GRIP1: variants seen among roughly 807,000 people sequenced by gnomAD.
GRIP1 encodes glutamate receptor-interacting protein 1.
In GRIP1, 45 loss-of-function variants were observed where a neutral mutation model predicts 129.9. That is an observed-to-expected ratio of 0.35 (90% CI 0.27 to 0.44). GRIP1 has a LOEUF of 0.44. Ranked by LOEUF, GRIP1 falls within the 20% of genes least tolerant of loss-of-function variation. The pLI is 1.00. For missense variants in GRIP1, 1,196 were observed against 1,396.8 expected (o/e 0.86, Z 2.29); for synonymous variants, 530 against 520.8 (o/e 1.02, Z -0.24).
At chr12:66,632,504 G>T (rs2030910922) in intron 1 of GRIP1, among the ~76,000 whole-genome samples, 1 of 152,060 alleles carries the variant, frequency 6.6e-6, no homozygotes, top group Admixed American at 6.6e-5. Flanking sequence ...TTTTTCCCAT[G>T]CTTCCTTCCC....
At chr12:66,990,070 A>T (rs1310323921) in intron 1 of GRIP1, among the ~76,000 whole-genome samples, 1 of 152,248 alleles carries the variant, frequency 6.6e-6, no homozygotes, top group Non-Finnish European at 1.5e-5. Context: ...GATATAATTC[A>T]TTAAAAGGGA....
At position 66,728,347 on chromosome 12, in the gene GRIP1, C is replaced by T. The variant is rs149228673; in HGVS notation, c.-420+75706G>A. Among the ~76,000 whole-genome samples the T allele has an allele frequency of 3.3e-3, 510 of 152,242 alleles. 6 individuals carry two copies. Among genetic ancestry groups the T allele is most frequent in the South Asian group, 0.022 (107 of 4,824 alleles). On this transcript the variant is annotated intron_variant, in intron 1 of 4. Coordinates refer to the GRIP1 transcript ENST00000538373. ...GGCAATAAATGCAGGGCTGCAACGGCTCATCACAATGCCACAGGCCCAGGA... is the reference window on the plus strand; with the variant it reads ...GGCAATAAATGCAGGGCTGCAACGGTTCATCACAATGCCACAGGCCCAGGA...
chr12:66,829,056 C>T (rs946128650), intron 1 of GRIP1, among the ~76,000 whole-genome samples: 9 of 152,058 alleles, frequency 5.9e-5, no homozygotes, highest in East Asian at 1.9e-4. Context: ...CCCCAGAACC[C>T]GTAAATATTA....
rs556247209 is a variant in GRIP1, at chr12:66,366,327, GTAT to G, written c.3012+5364_3012+5366del. ...CAGAGAGATATTGCAAAAGAAGCTG[GTAT>G]TATACACATTGAAAATGACACTCCT... On this transcript the variant is annotated intron_variant, in intron 23 of 24. Transcript: ENST00000359742. Among the ~76,000 whole-genome samples the G allele has an allele frequency of 4.6e-5, 7 of 152,264 alleles. No individual in the cohort carries two copies. In the South Asian group the frequency reaches 1.5e-3, roughly 32 times the overall value.
intron 1 of GRIP1, among the ~76,000 whole-genome samples, chr12:66,668,662 C>T (rs1051573851): frequency 2.6e-5 from 4 of 152,184 alleles, no homozygotes; most frequent in African/African-American, 9.7e-5. Flanking sequence ...TAGCTCACAC[C>T]TGTAATCTCA....
intron 1 of GRIP1, among the ~76,000 whole-genome samples, chr12:66,780,237 G>A (rs1181421433): frequency 6.6e-6 from 1 of 152,188 alleles, no homozygotes; most frequent in Non-Finnish European, 1.5e-5. Flanking sequence ...ATCAGTGTTT[G>A]TGCAAGAGAA....
At chr12:66,573,317 C>A (rs2063028748) in intron 2 of GRIP1, among the ~76,000 whole-genome samples, 1 of 152,048 alleles carries the variant, frequency 6.6e-6, no homozygotes, top group Admixed American at 6.5e-5. Flanking sequence ...TATTTGACAC[C>A]TTGATTGTAG....
At chr12:66,940,867 A>T (rs7964701) in intron 1 of GRIP1, among the ~76,000 whole-genome samples, 64,074 of 152,020 alleles carry the variant, frequency 0.42, 13,602 homozygotes, top group East Asian at 0.53. Context: ...TGTGTTTTCA[A>T]CAGAAAAATA....
chr12:67,043,545 T>C (rs1565652883), intron 1 of GRIP1, among the ~76,000 whole-genome samples: 1 of 152,170 alleles, frequency 6.6e-6, no homozygotes, highest in Non-Finnish European at 1.5e-5. Flanking sequence ...AAAGAAGGCT[T>C]AGCCCAGAGC....
chr12:66,849,765 G>A (rs2039879023), intron 1 of GRIP1, among the ~76,000 whole-genome samples: 2 of 152,206 alleles, frequency 1.3e-5, no homozygotes. Flanking sequence ...GCTAGCCCAA[G>A]AGTAAAGAGA....
chr12:66,631,232 C>T (rs10784561), intron 1 of GRIP1, among the ~76,000 whole-genome samples: 29,658 of 152,098 alleles, frequency 0.19, 3,009 homozygotes, highest in Non-Finnish European at 0.23. Flanking sequence ...GCCATCGCGC[C>T]TGGCTAAAAC....
At chr12:66,815,555 G>A (rs1277761264) in intron 1 of GRIP1, among the ~76,000 whole-genome samples, 1 of 152,118 alleles carries the variant, frequency 6.6e-6, no homozygotes, top group Non-Finnish European at 1.5e-5. Context: ...GAGCCCAGGA[G>A]TTCAAGACCA....
At chr12:66,915,955 A>T (rs908752335) in intron 1 of GRIP1, among the ~76,000 whole-genome samples, 1 of 152,208 alleles carries the variant, frequency 6.6e-6, no homozygotes, top group Admixed American at 6.5e-5. Flanking sequence ...TGAGAAACTC[A>T]TCATGCCAGA....
At chr12:66,635,724 C>A (rs1054634564) in intron 1 of GRIP1, among the ~76,000 whole-genome samples, 1 of 152,018 alleles carries the variant, frequency 6.6e-6, no homozygotes, top group African/African-American at 2.4e-5. Flanking sequence ...ACATAAATAA[C>A]TTCTAAAAAC....
chr12:66,948,417 T>C (rs1188444449), intron 1 of GRIP1, among the ~76,000 whole-genome samples: 1 of 152,160 alleles, frequency 6.6e-6, no homozygotes, highest in African/African-American at 2.4e-5. Flanking sequence ...TATTCAGTCA[T>C]CAGATGTTAT....
chr12:66,853,184 G>A (rs139486796), intron 1 of GRIP1, among the ~76,000 whole-genome samples: 1 of 151,766 alleles, frequency 6.6e-6, no homozygotes, highest in African/African-American at 2.4e-5. Flanking sequence ...ATGAACACCA[G>A]GAAACGGAGA....
intron 1 of GRIP1, among the ~76,000 whole-genome samples, chr12:66,809,442 C>T (rs751758576): frequency 3.3e-5 from 5 of 152,054 alleles, no homozygotes; most frequent in Non-Finnish European, 7.4e-5. Flanking sequence ...GCACGCAATG[C>T]CAATAATCGC....
chr12:66,732,334 T>C (rs926242879), intron 1 of GRIP1, among the ~76,000 whole-genome samples: 2 of 152,142 alleles, frequency 1.3e-5, no homozygotes, highest in African/African-American at 4.8e-5. Context: ...AGAGTATCAC[T>C]TAAGGACAGG....
chr12:66,888,656 C>A (rs1358900039), intron 1 of GRIP1, among the ~76,000 whole-genome samples: 3 of 152,184 alleles, frequency 2.0e-5, no homozygotes, highest in Non-Finnish European at 4.4e-5. Context: ...AGCCACCTTG[C>A]CCTGCCAGAA....
Sources: gnomAD v4.1 joint callset for allele counts (sites outside exome capture counted in the v4.1 genomes callset) on GRCh38, gnomAD v4.1.1 for gene constraint, MANE v1.5 for transcripts, NCBI Gene and HGNC (gene_info 2026-07-23, HGNC 2026-07-21) for gene names.